The following PTPRM variants were observed in gnomAD, a reference collection of about 807,000 sequenced individuals.
PTPRM encodes the protein receptor-type tyrosine-protein phosphatase mu.
In PTPRM, 47 loss-of-function variants were observed where a neutral mutation model predicts 186.7. That is an observed-to-expected ratio of 0.25 (90% CI 0.20 to 0.32). The LOEUF is 0.32. Ranked by LOEUF, PTPRM falls within the 10% of genes least tolerant of loss-of-function variation. The probability of loss-of-function intolerance (pLI) is 1.00; values close to 1 mark genes in which losing one functional copy is unlikely to be tolerated. For missense variants in PTPRM, 1,494 were observed against 1,865.0 expected (o/e 0.80, Z 3.66); for synonymous variants, 668 against 674.9 (o/e 0.99, Z 0.16).
At chr18:8,370,107 C>T (rs993222872) in intron 23 of PTPRM, among the ~76,000 whole-genome samples, 5 of 150,150 alleles carry the variant, frequency 3.3e-5, no homozygotes, top group Non-Finnish European at 5.9e-5. Flanking sequence ...AGGCCAAGGA[C>T]AGAGCTTTGA....
chr18:8,139,896 A>G (rs1425079522), intron 13 of PTPRM, among the ~76,000 whole-genome samples: 1 of 152,176 alleles, frequency 6.6e-6, no homozygotes, highest in Non-Finnish European at 1.5e-5. Context: ...TTTAAGTTCC[A>G]TGAGGTCAGA....
chr18:8,071,593 C>G (rs1195090398), intron 8 of PTPRM, among the ~76,000 whole-genome samples: 1 of 152,192 alleles, frequency 6.6e-6, no homozygotes, highest in African/African-American at 2.4e-5. Context: ...GGCTCATATT[C>G]TAGGAGTAAT....
At chr18:7,955,534 C>A (rs2147119091) in intron 7 of PTPRM, 120 bp downstream of exon 7, 1 of 1,141,946 alleles carries the variant, frequency 8.8e-7, no homozygotes, top group Non-Finnish European at 1.2e-6. Flanking sequence ...TGCATATGAA[C>A]AGAAAATGCC....
At chr18:7,912,382 A>G (rs1366761141) in intron 4 of PTPRM, among the ~76,000 whole-genome samples, 4 of 152,216 alleles carry the variant, frequency 2.6e-5, no homozygotes, top group Non-Finnish European at 5.9e-5. Context: ...GTTGATCTAC[A>G]TGACTATTCT....
chr18:8,371,877 T>C (rs940497765), intron 24 of PTPRM: 1 of 152,292 alleles, frequency 6.6e-6, no homozygotes, highest in African/African-American at 2.4e-5. Context: ...ATCCACAGAC[T>C]TTTCTATCCA....
intron 5 of PTPRM, among the ~76,000 whole-genome samples, chr18:7,929,009 T>G (rs1599564228): frequency 6.6e-6 from 1 of 152,278 alleles, no homozygotes; most frequent in South Asian, 2.1e-4. Context: ...ATAGAACAAC[T>G]TGGAAGGGTT....
chr18:7,710,381 A>C (rs1175482982), intron 1 of PTPRM, among the ~76,000 whole-genome samples: 1 of 152,210 alleles, frequency 6.6e-6, no homozygotes, highest in Admixed American at 6.5e-5. Flanking sequence ...AAACTGGTAT[A>C]GAAGGGATGT....
chr18:8,106,150 G>T (rs1199083072), intron 11 of PTPRM, among the ~76,000 whole-genome samples: 1 of 152,142 alleles, frequency 6.6e-6, no homozygotes, highest in Non-Finnish European at 1.5e-5. Flanking sequence ...TGCCATTCTT[G>T]TGTAGCTCTT....
intron 22 of PTPRM, among the ~76,000 whole-genome samples, chr18:8,343,141 G>C (rs1542451): frequency 0.27 from 41,655 of 151,960 alleles, 6,344 homozygotes; most frequent in Middle Eastern, 0.49. Flanking sequence ...AAATGATGGA[G>C]AAATAACTTT....
intron 7 of PTPRM, among the ~76,000 whole-genome samples, chr18:8,048,544 CTT>C (rs1241759017): frequency 1.3e-5 from 2 of 151,198 alleles, no homozygotes; most frequent in Non-Finnish European, 2.9e-5. Context: ...TAAGAACTAA[CTT>C]ATCAATCATA....
chr18:8,252,436 C>T, intron 17 of PTPRM, 52 bp from the exon 18 acceptor site: 4 of 1,434,898 alleles, frequency 2.8e-6, no homozygotes, highest in Non-Finnish European at 3.0e-6. Flanking sequence ...TTGCTTATGC[C>T]CTGTTTCCTT....
At position 8,401,706 on chromosome 18, in the gene PTPRM, G is replaced by A. The variant is rs537570146; in HGVS notation, c.4345-4403G>A. Among the ~76,000 whole-genome samples, 65 of 152,356 alleles carry A rather than the reference G, an allele frequency of 4.3e-4. No homozygotes were observed. In the East Asian group the frequency reaches 0.011, roughly 25 times the overall value. ...GCAGCCTGCGCAGACGACAAGGCTC[G>A]GGCCCCTGACGGAGGCCCCCAGTGC... On this transcript the variant is annotated intron_variant, in intron 32 of 32. Coordinates refer to ENST00000580170, the MANE Select transcript of PTPRM (RefSeq NM_001105244.2).
intron 5 of PTPRM, among the ~76,000 whole-genome samples, chr18:7,942,645 G>C (rs562060632): frequency 6.6e-6 from 1 of 151,990 alleles, no homozygotes; most frequent in Admixed American, 6.5e-5. Context: ...CTGCTTGGTG[G>C]GGGGGCGGGG....
chr18:7,947,167 C>T (rs1204933022), intron 5 of PTPRM, among the ~76,000 whole-genome samples: 1 of 152,238 alleles, frequency 6.6e-6, no homozygotes, highest in Non-Finnish European at 1.5e-5. Flanking sequence ...GCCGCTCTGC[C>T]TTTCTCCTTG....
chr18:7,841,820 T>C (rs1445725568), intron 2 of PTPRM, among the ~76,000 whole-genome samples: 2 of 152,168 alleles, frequency 1.3e-5, no homozygotes, highest in South Asian at 2.1e-4. Flanking sequence ...TTCAGAAATT[T>C]TATAGGATGA....
chr18:8,198,445 G>A (rs922579554), intron 14 of PTPRM, among the ~76,000 whole-genome samples: 3 of 151,988 alleles, frequency 2.0e-5, no homozygotes, highest in Admixed American at 6.6e-5. Flanking sequence ...CATCACACCC[G>A]GCCAAAATTT....
intron 23 of PTPRM, among the ~76,000 whole-genome samples, chr18:8,346,404 CG>C (rs796732529): frequency 2.0e-4 from 30 of 152,202 alleles, no homozygotes; most frequent in African/African-American, 6.8e-4. Flanking sequence ...GGCAACCTCA[CG>C]TGTCAGAGAG....
chr18:7,946,280 G>A (rs1335460603), intron 5 of PTPRM, among the ~76,000 whole-genome samples: 1 of 152,164 alleles, frequency 6.6e-6, no homozygotes, highest in Non-Finnish European at 1.5e-5. Flanking sequence ...AGATGCTTCT[G>A]TTTGGAAAAA....
intron 29 of PTPRM, among the ~76,000 whole-genome samples, chr18:8,384,008 T>G (rs549015908): frequency 6.6e-6 from 1 of 152,294 alleles, no homozygotes; most frequent in Admixed American, 6.5e-5. Flanking sequence ...TACTCATGGC[T>G]TAAAAGGTGC....
Sources: allele counts gnomAD v4.1 joint callset (sites outside exome capture counted in the v4.1 genomes callset), GRCh38; gene constraint gnomAD v4.1.1; transcripts MANE v1.5; gene names NCBI Gene and HGNC (gene_info 2026-07-23, HGNC 2026-07-21).